ZNF24: variants seen among roughly 807,000 people sequenced by gnomAD.
The protein encoded by ZNF24 is zinc finger protein 24.
In ZNF24, 11 loss-of-function variants were observed where a neutral mutation model predicts 40.9. That is an observed-to-expected ratio of 0.27 (90% CI 0.17 to 0.45). The LOEUF (loss-of-function observed/expected upper bound fraction) is 0.45. Ranked by LOEUF, ZNF24 falls within the 20% of genes least tolerant of loss-of-function variation. The pLI is 1.00. For missense variants in ZNF24, 293 were observed against 437.7 expected (o/e 0.67, Z 2.95); for synonymous variants, 139 against 154.7 (o/e 0.90, Z 0.75).
rs2044881017 is a variant in ZNF24, at chr18:35,333,974, G to A, written c.*3258C>T. ...CTCAGTGTAGTGCATGTGAAATGGGGTTATGTCCTACTTTATACGGTAGCT... is the reference window on the plus strand; with the variant it reads ...CTCAGTGTAGTGCATGTGAAATGGGATTATGTCCTACTTTATACGGTAGCT... On this transcript the variant is annotated 3_prime_UTR_variant, in exon 4 of 4. Transcript: ENST00000261332. The A allele has an allele frequency of 6.6e-6, 1 of 152,182 alleles. No homozygotes were observed. Among genetic ancestry groups the A allele is most frequent in the Non-Finnish European group, 1.5e-5 (1 of 68,022 alleles). The allele number at this position is 152,182 out of a possible 1,614,324, so 9.4% of individuals were successfully genotyped here.
chr18:35,343,147 CA>C (rs960443883), intron 1 of ZNF24, among the ~76,000 whole-genome samples: 1 of 152,136 alleles, frequency 6.6e-6, no homozygotes, highest in Non-Finnish European at 1.5e-5. Context: ...TAGCAGATCA[CA>C]TAATATTGAA....
Position 35,338,755 on chromosome 18 carries a change from G to A in ZNF24, c.569-985C>T, listed in dbSNP as rs555757220. The A allele has an allele frequency of 1.3e-4, 163 of 1,227,778 alleles. 1 individual carries two copies. In the South Asian group the frequency reaches 3.7e-3, roughly 28 times the overall value. 76.1% of individuals were successfully genotyped at this position (1,227,778 alleles called of 1,614,324 possible). ...GCGTGAAGATTAAGTGGAGACAAACGGCACACAGGAAACAGAAATTCCCAA... is the reference window on the plus strand; with the variant it reads ...GCGTGAAGATTAAGTGGAGACAAACAGCACACAGGAAACAGAAATTCCCAA... On this transcript the variant is annotated intron_variant, in intron 3 of 3. Transcript: ENST00000261332.
At chr18:35,342,299 A>G (rs1213204249) in intron 1 of ZNF24, among the ~76,000 whole-genome samples, 1 of 152,218 alleles carries the variant, frequency 6.6e-6, no homozygotes, top group African/African-American at 2.4e-5. Context: ...AAAAGAGTAA[A>G]AAAGTTAAAA....
Position 35,339,811 on chromosome 18 carries a change from C to G in ZNF24, c.568+18G>C, listed in dbSNP as rs2044948620. The G allele has an allele frequency of 1.3e-6, 2 of 1,579,642 alleles. No homozygotes were observed. Among genetic ancestry groups the G allele is most frequent in the Non-Finnish European group, 1.7e-6 (2 of 1,157,646 alleles). On this transcript the variant is annotated intron_variant, in intron 3 of 3. Transcript: ENST00000261332. ...ACTCTCTTTCACCCTCTAGCCCACACAGAGTTCTGGTCCTCACCACAGTGC... is the reference window on the plus strand; with the variant it reads ...ACTCTCTTTCACCCTCTAGCCCACAGAGAGTTCTGGTCCTCACCACAGTGC...
rs2044952690 is a variant in ZNF24 at position 35,340,052 on chromosome 18, A to G, written c.421-76T>C. On this transcript the variant is annotated intron_variant, in intron 2 of 3. Coordinates refer to ENST00000261332, the MANE Select transcript of ZNF24 (RefSeq NM_006965.4). This position sits in a 1 kb window ranked among gnomAD's most constrained non-coding sequence, Gnocchi z 4.6. ...ACTAAAAACACGTAAGAGAAACCCCATGAAACAAATACTGCAGAAGCCTAG... is the reference window on the plus strand; with the variant it reads ...ACTAAAAACACGTAAGAGAAACCCCGTGAAACAAATACTGCAGAAGCCTAG... 13 of 1,538,264 alleles carry G rather than the reference A, an allele frequency of 8.5e-6. No individual in the cohort carries two copies. The South Asian group carries it at 1.3e-4, about 16-fold the overall frequency.
At chr18:35,341,407 T>C (rs1186970856) in intron 1 of ZNF24, among the ~76,000 whole-genome samples, 1 of 152,276 alleles carries the variant, frequency 6.6e-6, no homozygotes, top group Non-Finnish European at 1.5e-5. Context: ...TACATAAAAC[T>C]TGATAACAAT....
Position 35,336,782 on chromosome 18 carries a change from A to C in ZNF24, c.*450T>G, listed in dbSNP as rs911420508. The C allele has an allele frequency of 1.3e-5, 2 of 152,728 alleles. No individual in the cohort carries two copies. The highest frequency in any genetic ancestry group is 2.9e-5 in the Non-Finnish European group (2 of 68,400). 9.5% of individuals were successfully genotyped at this position (152,728 alleles called of 1,614,324 possible). A position where few individuals can be genotyped will look rare whatever the true frequency, so the allele number is the denominator to read the frequency against. ...TATTCAAATTAGGTAAAAGGAAATA[A>C]GGGTAAATTTTTAAAAGATGGTTTA... On this transcript the variant is annotated 3_prime_UTR_variant, in exon 4 of 4. Coordinates refer to ENST00000261332, the MANE Select transcript of ZNF24 (RefSeq NM_006965.4).
At position 35,335,207 on chromosome 18, in the gene ZNF24, T is replaced by A. The variant is rs181261808; in HGVS notation, c.*2025A>T. The A allele has an allele frequency of 6.6e-6, 1 of 152,144 alleles. No homozygotes were observed. Among genetic ancestry groups the A allele is most frequent in the South Asian group, 2.1e-4 (1 of 4,832 alleles). The allele number at this position is 152,144 out of a possible 1,614,324, so 9.4% of individuals were successfully genotyped here. On this transcript the variant is annotated 3_prime_UTR_variant, in exon 4 of 4. Coordinates refer to ENST00000261332, the MANE Select transcript of ZNF24 (RefSeq NM_006965.4). ...TGGAAAGAAGCCAGTTATAAATAAATAAATCACATCATTTATCTTAGAGCA... is the reference window on the plus strand; with the variant it reads ...TGGAAAGAAGCCAGTTATAAATAAAAAAATCACATCATTTATCTTAGAGCA...
At chr18:35,338,912 G>T in intron 3 of ZNF24, 1 of 1,449,036 alleles carries the variant, frequency 6.9e-7, no homozygotes, top group Non-Finnish European at 9.0e-7. Flanking sequence ...TTGCACAGAA[G>T]AATGTCCCAT....
chr18:35,343,457 C>T (rs1167499063), intron 1 of ZNF24, among the ~76,000 whole-genome samples: 2 of 152,146 alleles, frequency 1.3e-5, no homozygotes, highest in African/African-American at 4.8e-5. Context: ...TTGTTTACGA[C>T]ACATACTAGC....
rs1373426299 is a variant in ZNF24, at chr18:35,339,979, G to A, written c.421-3C>T. On this transcript the variant is annotated splice_polypyrimidine_tract_variant and splice_region_variant and intron_variant, in intron 2 of 3. Transcript: ENST00000261332. The stretch of plus-strand genomic sequence containing the variant: ...CGTTTTCGTCGACGGAGAGAAACCT[G>A]GAAACAGAAAGATTTGATTCAGAGA... 2 of 1,605,392 alleles carry A rather than the reference G, an allele frequency of 1.2e-6. No homozygotes were observed. Among genetic ancestry groups the A allele is most frequent in the Non-Finnish European group, 1.7e-6 (2 of 1,173,774 alleles).
At chr18:35,339,431 A>G (rs1223915000) in intron 3 of ZNF24, among the ~76,000 whole-genome samples, 1 of 152,230 alleles carries the variant, frequency 6.6e-6, no homozygotes, top group Non-Finnish European at 1.5e-5. Context: ...AGTGATATAC[A>G]ACAAAGAGAT....
intron 3 of ZNF24, 77 bp downstream of exon 3, chr18:35,339,752 T>G: frequency 1.0e-5 from 14 of 1,340,546 alleles, no homozygotes; most frequent in Non-Finnish European, 1.4e-5. Context: ...CCCCCACCAG[T>G]GAGAACAAGC....
rs1186342365 is a variant in ZNF24, at chr18:35,335,301, A to T, written c.*1931T>A. ...GCCACAAAGAGAAAAAGACCCAAAC[A>T]AAAGTCCCTACATTTTCTTGTATAA... is the stretch of plus-strand genomic sequence containing the variant. On this transcript the variant is annotated 3_prime_UTR_variant, in exon 4 of 4. Coordinates refer to ENST00000261332, the MANE Select transcript of ZNF24 (RefSeq NM_006965.4). The T allele has an allele frequency of 6.6e-6, 1 of 152,208 alleles. No individual in the cohort carries two copies. The allele number at this position is 152,208 out of a possible 1,614,324, so 9.4% of individuals were successfully genotyped here.
Position 35,335,356 on chromosome 18 carries a change from T to C in ZNF24, c.*1876A>G, listed in dbSNP as rs1395388248. The C allele has an allele frequency of 6.6e-6, 1 of 152,198 alleles. No homozygotes were observed. The highest frequency in any genetic ancestry group is 2.4e-5 in the African/African-American group (1 of 41,448). 9.4% of individuals were successfully genotyped at this position (152,198 alleles called of 1,614,324 possible). A position where few individuals can be genotyped will look rare whatever the true frequency, so the allele number is the denominator to read the frequency against. Reference sequence around the variant, plus strand: ...AAATACATTATATCATTACTACATATTTATACTTCAATAAATCTTAATCTA... The same window carrying C: ...AAATACATTATATCATTACTACATACTTATACTTCAATAAATCTTAATCTA... On this transcript the variant is annotated 3_prime_UTR_variant, in exon 4 of 4. Transcript: ENST00000261332.
intron 1 of ZNF24, among the ~76,000 whole-genome samples, chr18:35,343,455 G>C (rs763647803): frequency 6.6e-6 from 1 of 152,040 alleles, no homozygotes; most frequent in Admixed American, 6.6e-5. Context: ...TGTTGTTTAC[G>C]ACACATACTA....
Position 35,340,490 on chromosome 18 carries a change from C to T in ZNF24, c.161G>A (p.Arg54Gln), listed in dbSNP as rs770405655. Residue 54 changes from arginine to glutamine, a missense_variant, in exon 2 of 4, where the codon CGA (arginine) becomes CAA (glutamine). Coordinates refer to ENST00000261332, the MANE Select transcript of ZNF24 (RefSeq NM_006965.4). This position sits in a 1 kb window ranked among gnomAD's most constrained non-coding sequence, Gnocchi z 4.6. Reference sequence around the variant, plus strand: ...ATCCTGGTATCCAAACTGCCTGAATCGCTGTCGGAAAATCTCTGGGTCTGG... The same window carrying T: ...ATCCTGGTATCCAAACTGCCTGAATTGCTGTCGGAAAATCTCTGGGTCTGG... ...HLPDPEIFRQRFRQFGYQDSP... is the reference protein window; with the variant it reads ...HLPDPEIFRQQFRQFGYQDSP... 1.2e-5 allele frequency: 19 copies of T among 1,614,104 alleles called. No homozygotes were observed. Among genetic ancestry groups the T allele is most frequent in the East Asian group, 2.2e-5 (1 of 44,896 alleles).
At position 35,332,368 on chromosome 18, in the gene ZNF24, A is replaced by C. The variant is rs1265494804; in HGVS notation, c.*4864T>G. ...ACAGAAACTCAATTCAATTATCTTA[A>C]ACAAGAAAGGGACTTTATTGGCTCA... On this transcript the variant is annotated 3_prime_UTR_variant, in exon 4 of 4. Transcript: ENST00000261332. 1 of 152,230 alleles carries C rather than the reference A, an allele frequency of 6.6e-6. No individual in the cohort carries two copies. The highest frequency in any genetic ancestry group is 2.4e-5 in the African/African-American group (1 of 41,470). The allele number at this position is 152,230 out of a possible 1,614,324, so 9.4% of individuals were successfully genotyped here.
chr18:35,342,245 T>C, intron 1 of ZNF24, among the ~76,000 whole-genome samples: 1 of 152,006 alleles, frequency 6.6e-6, no homozygotes, highest in Admixed American at 6.5e-5. Context: ...AATATATTTG[T>C]ACAGCTGTAC....
Sources: gnomAD v4.1 joint callset for allele counts (sites outside exome capture counted in the v4.1 genomes callset) on GRCh38, gnomAD v4.1.1 for gene constraint, Gnocchi (gnomAD v3.1) non-coding constraint, MANE v1.5 for transcripts, NCBI Gene and HGNC (gene_info 2026-07-23, HGNC 2026-07-21) for gene names.